FAM135A: variants seen among roughly 807,000 people sequenced by gnomAD.
The protein encoded by FAM135A is family with sequence similarity 135 member A.
In FAM135A, 79 loss-of-function variants were observed where a neutral mutation model predicts 146.8. The ratio of observed to expected loss-of-function variants is 0.54; its 90% CI spans 0.45 to 0.65. The LOEUF is 0.65. Among genes scored for constraint, FAM135A ranks in the 30% least tolerant of loss-of-function variants. The pLI, the probability that FAM135A is intolerant of heterozygous loss-of-function variation, is 0.00. For missense variants in FAM135A, 1,623 were observed against 1,758.2 expected (o/e 0.92, Z 1.38); for synonymous variants, 562 against 603.6 (o/e 0.93, Z 1.01).
chr6:70,434,995 A>G (rs1385332978), intron 4 of FAM135A, among the ~76,000 whole-genome samples: 3 of 151,472 alleles, frequency 2.0e-5, no homozygotes, highest in African/African-American at 7.3e-5. Context: ...ATAAACTACT[A>G]CAAAGAACAT....
chr6:70,428,432 T>A lies in FAM135A; in HGVS notation c.77+13T>A. On this transcript the variant is annotated intron_variant, in intron 4 of 21. Coordinates refer to ENST00000418814, the MANE Select transcript of FAM135A (RefSeq NM_001162529.3). The stretch of plus-strand genomic sequence containing the variant: ...TGTTTCAGAGAGGGTATGTATTTTA[T>A]TGTGAAAATGATATATTTTGCATAA... The A allele has an allele frequency of 6.4e-7, 1 of 1,569,196 alleles. No individual in the cohort carries two copies. Among genetic ancestry groups the A allele is most frequent in the Non-Finnish European group, 8.7e-7 (1 of 1,152,964 alleles).
At position 70,554,165 on chromosome 6, in the gene FAM135A, C is replaced by T. The variant is rs191112727; in HGVS notation, c.4229-2585C>T. ...AGTAAAGAATAAAATGTCATATATG[C>T]CTGAAAACAAAGTAAGTTTTGTTTT... On this transcript the variant is annotated intron_variant, in intron 20 of 21. Coordinates refer to ENST00000418814, the MANE Select transcript of FAM135A (RefSeq NM_001162529.3). 4.7e-3 allele frequency among the ~76,000 whole-genome samples: 715 copies of T among 151,888 alleles called. 11 individuals are homozygous for T. Among genetic ancestry groups the T allele is most frequent in the South Asian group, 0.041 (199 of 4,814 alleles).
intron 20 of FAM135A, among the ~76,000 whole-genome samples, chr6:70,552,471 T>G (rs1294021592): frequency 2.2e-4 from 32 of 146,242 alleles, no homozygotes; most frequent in African/African-American, 8.1e-4. Context: ...GATTCTTTTT[T>G]TTTTTTTTTT....
chr6:70,472,365 T>C (rs1048851951), intron 5 of FAM135A, among the ~76,000 whole-genome samples: 50 of 152,178 alleles, frequency 3.3e-4, no homozygotes, highest in African/African-American at 1.1e-3. Context: ...AAGTATATGT[T>C]TCCCGAAGCA....
At chr6:70,447,069 A>T (rs994548899) in intron 4 of FAM135A, among the ~76,000 whole-genome samples, 3 of 152,186 alleles carry the variant, frequency 2.0e-5, no homozygotes, top group Non-Finnish European at 4.4e-5. Flanking sequence ...AACTCCAACT[A>T]TGTTAAATTG....
chr6:70,526,465 T>TA lies in FAM135A; in HGVS notation c.3382dup (p.Thr1128AsnfsTer4), dbSNP rs1794708272. The TA allele has an allele frequency of 1.2e-6, 2 of 1,613,222 alleles. No individual in the cohort carries two copies. Among genetic ancestry groups the TA allele is most frequent in the Admixed American group, 1.7e-5 (1 of 59,918 alleles). On this transcript the variant is annotated frameshift_variant, in exon 15 of 22. Coordinates refer to ENST00000418814, the MANE Select transcript of FAM135A (RefSeq NM_001162529.3). LOFTEE classifies it high-confidence loss of function. ...GAGATGAACTAATGGAAGAAAGACT[T>TA]ACAAAATCTGAAAAAATAAACAGTG...
chr6:70,493,441 A>C (rs1017780813), intron 11 of FAM135A, among the ~76,000 whole-genome samples: 2 of 152,176 alleles, frequency 1.3e-5, no homozygotes, highest in Admixed American at 6.5e-5. Context: ...TTGCTAATAA[A>C]TTTTTTAGAT....
At chr6:70,465,410 G>A (rs1341391587) in intron 5 of FAM135A, among the ~76,000 whole-genome samples, 1 of 152,048 alleles carries the variant, frequency 6.6e-6, no homozygotes, top group Non-Finnish European at 1.5e-5. Context: ...GGATTATATA[G>A]TAGTTCTATT....
At chr6:70,542,588 C>G (rs1317493617) in intron 20 of FAM135A, among the ~76,000 whole-genome samples, 2 of 152,198 alleles carry the variant, frequency 1.3e-5, no homozygotes, top group Admixed American at 1.3e-4. Context: ...GGCTGGAGTG[C>G]AATGGCACAA....
chr6:70,502,405 G>A (rs1477701608), intron 11 of FAM135A, among the ~76,000 whole-genome samples: 2 of 151,584 alleles, frequency 1.3e-5, no homozygotes, highest in Non-Finnish European at 2.9e-5. Context: ...AGACATCTTA[G>A]ATATTGAAAT....
intron 20 of FAM135A, among the ~76,000 whole-genome samples, chr6:70,543,240 T>C (rs1322822341): frequency 1.3e-5 from 2 of 152,228 alleles, no homozygotes; most frequent in Non-Finnish European, 2.9e-5. Context: ...ATTTGTGAAC[T>C]TAAGCCCTGG....
At chr6:70,450,489 A>G (rs1293177347) in intron 4 of FAM135A, among the ~76,000 whole-genome samples, 1 of 151,940 alleles carries the variant, frequency 6.6e-6, no homozygotes, top group Non-Finnish European at 1.5e-5. Context: ...GCCTGAGGAT[A>G]TCCAGTTTTC....
chr6:70,536,797 G>T lies in FAM135A; in HGVS notation c.4117+386G>T, dbSNP rs368508719. Among the ~76,000 whole-genome samples, 13 of 151,934 alleles carry T rather than the reference G, an allele frequency of 8.6e-5. No homozygotes were observed. The East Asian group carries it at 2.1e-3, about 25-fold the overall frequency. On this transcript the variant is annotated intron_variant, in intron 19 of 21. Transcript: ENST00000418814. ...TTATATAGAATATTAGCTAATTTTG[G>T]TTCAAAAAGAGTAAAGAGATATGAG...
In FAM135A at chr6:70,453,576, C is replaced by A. The variant is rs187159671; in HGVS notation, c.157+1005C>A. Among the ~76,000 whole-genome samples, 69 of 152,086 alleles carry A rather than the reference C, an allele frequency of 4.5e-4. No homozygotes were observed. In the East Asian group the frequency reaches 5.6e-3, roughly 12 times the overall value. ...CTATTCCTCCCCCATCCCCCCACCC[C>A]ACAACAGGCCCCAGTGTGTGATGTT... is the stretch of plus-strand genomic sequence containing the variant. On this transcript the variant is annotated intron_variant, in intron 5 of 21. Transcript: ENST00000418814.
Position 70,526,001 on chromosome 6 carries a change from T to G in FAM135A, c.2917T>G (p.Cys973Gly). The G allele has an allele frequency of 1.2e-6, 2 of 1,612,786 alleles. No individual in the cohort carries two copies. Among genetic ancestry groups the G allele is most frequent in the Non-Finnish European group, 8.5e-7 (1 of 1,179,506 alleles). ...TAITLNSKLICLGTPCVISGS... is the reference protein window; with the variant it reads ...TAITLNSKLIGLGTPCVISGS... ...AATTACATTAAATTCAAAACTGATT[T>G]GTTTAGGCACTCCTTGTGTCATTTC... Residue 973 changes from cysteine to glycine, a missense_variant, in exon 15 of 22, where the codon TGT (cysteine) becomes GGT (glycine). By Grantham distance (159) the Cys-to-Gly change is radical. Coordinates refer to ENST00000418814, the MANE Select transcript of FAM135A (RefSeq NM_001162529.3).
At chr6:70,436,905 A>G (rs2127881795) in intron 4 of FAM135A, among the ~76,000 whole-genome samples, 1 of 152,298 alleles carries the variant, frequency 6.6e-6, no homozygotes, top group South Asian at 2.1e-4. Context: ...ACCGAAAACC[A>G]AAAAAGATTT....
chr6:70,471,861 G>A (rs762979654), intron 5 of FAM135A, among the ~76,000 whole-genome samples: 1 of 152,050 alleles, frequency 6.6e-6, no homozygotes, highest in Admixed American at 6.6e-5. Context: ...GAGGAGAAAA[G>A]GAACCCAGGA....
At chr6:70,467,333 A>AT (rs1271823488) in intron 5 of FAM135A, among the ~76,000 whole-genome samples, 1 of 151,820 alleles carries the variant, frequency 6.6e-6, no homozygotes, top group Admixed American at 6.6e-5. Context: ...AAAATGACTG[A>AT]TTTTTAATCT....
chr6:70,440,145 G>C (rs1774123719), intron 4 of FAM135A, among the ~76,000 whole-genome samples: 1 of 152,140 alleles, frequency 6.6e-6, no homozygotes, highest in African/African-American at 2.4e-5. Context: ...ATTTAAAATT[G>C]ATGGTTTAAT....
Sources: allele counts gnomAD v4.1 joint callset (sites outside exome capture counted in the v4.1 genomes callset), GRCh38; gene constraint gnomAD v4.1.1; transcripts MANE v1.5; gene names NCBI Gene and HGNC (gene_info 2026-07-23, HGNC 2026-07-21).